Variants in FHOD3 observed in about 807,000 individuals in gnomAD.
FHOD3 encodes formin homology 2 domain containing 3.
FHOD3 carries 90 observed loss-of-function variants against 173.0 expected under a neutral mutation model. That is an observed-to-expected ratio of 0.52 (90% CI 0.44 to 0.62). FHOD3 has a LOEUF of 0.62. FHOD3 is among the 20% of genes least tolerant of loss of function. FHOD3 has a pLI of 0.00. For missense variants in FHOD3, 1,945 were observed against 2,034.7 expected (o/e 0.96, Z 0.85); for synonymous variants, 828 against 823.0 (o/e 1.01, Z -0.10).
rs570410190 is a variant in FHOD3, at chr18:36,348,880, C to T, written c.166-6659C>T. Among the ~76,000 whole-genome samples the T allele has an allele frequency of 3.3e-4, 50 of 152,250 alleles. 2 individuals carry two copies. Among genetic ancestry groups the T allele is most frequent in the African/African-American group, 1.1e-3 (44 of 41,552 alleles). On this transcript the variant is annotated intron_variant, in intron 1 of 28. Transcript: ENST00000590592. ...GTCGTGGTGCATTCAGCGGGCAACT[C>T]GAAGGGGGCAAACCTCTCACCCACC... is the stretch of plus-strand genomic sequence containing the variant.
chr18:36,770,673 T>C (rs951446666), intron 28 of FHOD3, among the ~76,000 whole-genome samples: 2 of 152,186 alleles, frequency 1.3e-5, no homozygotes, highest in Non-Finnish European at 2.9e-5. Context: ...TAGATGAGGT[T>C]AATGCTTCTG....
intron 1 of FHOD3, among the ~76,000 whole-genome samples, chr18:36,339,391 C>T (rs1470710572): frequency 6.6e-6 from 1 of 152,228 alleles, no homozygotes; most frequent in Non-Finnish European, 1.5e-5. Context: ...AGGACCGACT[C>T]CATGGGTGTG....
intron 2 of FHOD3, 100 bp from the exon 3 acceptor site, chr18:36,372,580 C>T: frequency 1.1e-6 from 1 of 875,836 alleles, no homozygotes; most frequent in South Asian, 1.6e-5. Flanking sequence ...TCTGGATCCC[C>T]ACTTAAGTGG....
chr18:36,706,528 C>T (rs142908580), intron 17 of FHOD3, among the ~76,000 whole-genome samples: 17 of 152,294 alleles, frequency 1.1e-4, no homozygotes, highest in African/African-American at 4.1e-4. Context: ...CCAGAGCTCG[C>T]GTGTCTGTTA....
At chr18:36,559,184 G>A (rs926722684) in intron 5 of FHOD3, among the ~76,000 whole-genome samples, 2 of 152,106 alleles carry the variant, frequency 1.3e-5, no homozygotes, top group African/African-American at 4.8e-5. Flanking sequence ...AGGTTTTCAG[G>A]GCGGGATGAT....
intron 5 of FHOD3, among the ~76,000 whole-genome samples, chr18:36,572,484 G>T (rs751145325): frequency 7.2e-5 from 11 of 151,998 alleles, no homozygotes; most frequent in Non-Finnish European, 1.5e-4. Context: ...AGTAGTAGTG[G>T]GTAGGTACAA....
At chr18:36,693,174 C>G in intron 16 of FHOD3, 35 bp from the exon 17 acceptor site, 1 of 1,584,894 alleles carries the variant, frequency 6.3e-7, no homozygotes, top group African/African-American at 1.3e-5. Flanking sequence ...GCTCCTCTTT[C>G]GTTTGACGGA....
chr18:36,573,318 G>A (rs1331796881), intron 5 of FHOD3, among the ~76,000 whole-genome samples: 1 of 151,944 alleles, frequency 6.6e-6, no homozygotes, highest in African/African-American at 2.4e-5. Context: ...AGATTGGAGT[G>A]TTATAACTGG....
At chr18:36,670,344 T>C (rs185566198) in intron 14 of FHOD3, among the ~76,000 whole-genome samples, 80 of 152,294 alleles carry the variant, frequency 5.3e-4, no homozygotes, top group Non-Finnish European at 8.1e-4. Flanking sequence ...CTCCCCTTTC[T>C]TTTGATAACT....
chr18:36,486,927 C>A (rs1568336971), intron 3 of FHOD3, among the ~76,000 whole-genome samples: 1 of 152,140 alleles, frequency 6.6e-6, no homozygotes, highest in Non-Finnish European at 1.5e-5. Context: ...TTGTGTCTGG[C>A]TTATTTCATT....
chr18:36,516,302 T>G (rs902049495), intron 5 of FHOD3, among the ~76,000 whole-genome samples: 46 of 152,112 alleles, frequency 3.0e-4, no homozygotes, highest in Non-Finnish European at 1.8e-4. Flanking sequence ...TATTCACAGT[T>G]CCCTGAGGAG....
chr18:36,470,428 G>T (rs2053213615), intron 3 of FHOD3, among the ~76,000 whole-genome samples: 1 of 152,218 alleles, frequency 6.6e-6, no homozygotes, highest in South Asian at 2.1e-4. Context: ...TGTAGTGACA[G>T]GAGAGCTTTG....
rs534527924 is a variant in FHOD3, at chr18:36,748,317, A to C, written c.4232+1182A>C. ...GGAATGTGAGCTGGTTTGGCCCTCC[A>C]TGCTTTGTATGATGCAAGCAATTCC... On this transcript the variant is annotated intron_variant, in intron 24 of 28. Coordinates refer to ENST00000590592, the MANE Select transcript of FHOD3 (RefSeq NM_001281740.3). Among the ~76,000 whole-genome samples, 313 of 151,794 alleles carry C rather than the reference A, an allele frequency of 2.1e-3. 1 individual carries two copies. Among genetic ancestry groups the C allele is most frequent in the African/African-American group, 7.2e-3 (296 of 41,372 alleles).
chr18:36,547,655 C>A (rs973351411), intron 5 of FHOD3, among the ~76,000 whole-genome samples: 1 of 152,084 alleles, frequency 6.6e-6, no homozygotes, highest in Non-Finnish European at 1.5e-5. Flanking sequence ...GGGAACAGAA[C>A]ACGGGAGGGA....
At chr18:36,531,958 G>T (rs985427812) in intron 5 of FHOD3, among the ~76,000 whole-genome samples, 16 of 152,204 alleles carry the variant, frequency 1.1e-4, no homozygotes, top group Non-Finnish European at 5.9e-5. Context: ...GCCGAGTCTT[G>T]TACTTTCTTT....
intron 3 of FHOD3, among the ~76,000 whole-genome samples, chr18:36,386,779 G>A (rs746237885): frequency 3.3e-5 from 5 of 152,076 alleles, no homozygotes; most frequent in Non-Finnish European, 7.3e-5. Flanking sequence ...TCCTTTCTGG[G>A]GTCTTACTTG....
intron 5 of FHOD3, among the ~76,000 whole-genome samples, chr18:36,564,848 A>G (rs1182695190): frequency 6.6e-6 from 1 of 152,178 alleles, no homozygotes; most frequent in Non-Finnish European, 1.5e-5. Context: ...GAAAATGGTC[A>G]TTCTAAGGTA....
chr18:36,352,550 C>T (rs2046180635), intron 1 of FHOD3, among the ~76,000 whole-genome samples: 1 of 152,184 alleles, frequency 6.6e-6, no homozygotes, highest in African/African-American at 2.4e-5. Context: ...ATGCCACATT[C>T]ATGTGTATGC....
chr18:36,525,056 C>T (rs2056450946), intron 5 of FHOD3, among the ~76,000 whole-genome samples: 1 of 152,126 alleles, frequency 6.6e-6, no homozygotes, highest in East Asian at 1.9e-4. Flanking sequence ...AAGATTCTTT[C>T]CCCCAGTTTA....
Sources: gnomAD v4.1 joint callset for allele counts (sites outside exome capture counted in the v4.1 genomes callset) on GRCh38, gnomAD v4.1.1 for gene constraint, MANE v1.5 for transcripts, NCBI Gene and HGNC (gene_info 2026-07-23, HGNC 2026-07-21) for gene names.